The following TANC2 variants were observed in gnomAD, a reference collection of about 807,000 sequenced individuals.
TANC2 encodes the protein protein TANC2.
Under a neutral mutation model 210.5 loss-of-function variants are expected in TANC2, and 26 were observed. The observed-to-expected ratio is 0.12, with a 90% CI of 0.09 to 0.17. TANC2 has a LOEUF of 0.17. Ranked by LOEUF, TANC2 falls within the 10% of genes least tolerant of loss-of-function variation. The pLI is 1.00. For synonymous variants in TANC2, 931 were observed against 967.1 expected (o/e 0.96, Z 0.69); for missense variants, 2,129 against 2,608.9 (o/e 0.82, Z 4.01).
intron 1 of TANC2, among the ~76,000 whole-genome samples, chr17:62,975,681 A>G (rs2031963852): frequency 6.6e-6 from 1 of 151,940 alleles, no homozygotes; most frequent in Admixed American, 6.6e-5. Context: ...TGAGACCAGT[A>G]TATATTGGAA....
At chr17:63,060,638 TC>T (rs2035964375) in intron 2 of TANC2, among the ~76,000 whole-genome samples, 1 of 151,980 alleles carries the variant, frequency 6.6e-6, no homozygotes, top group Non-Finnish European at 1.5e-5. Context: ...AAACAAGTCC[TC>T]ATTTAATCTT....
At chr17:63,413,299 C>T (rs549022799) in intron 24 of TANC2, 2 of 375,850 alleles carry the variant, frequency 5.3e-6, no homozygotes, top group Admixed American at 4.4e-5. Flanking sequence ...GCAGGCTTTG[C>T]TGCCCTCGCG....
At chr17:63,344,611 C>G (rs1258799687) in intron 12 of TANC2, among the ~76,000 whole-genome samples, 1 of 152,052 alleles carries the variant, frequency 6.6e-6, no homozygotes, top group Admixed American at 6.5e-5. Flanking sequence ...AGGAATCTAC[C>G]CAGAAAAAAG....
intron 14 of TANC2, among the ~76,000 whole-genome samples, chr17:63,373,194 G>T (rs1251316975): frequency 6.6e-6 from 1 of 151,942 alleles, no homozygotes; most frequent in Non-Finnish European, 1.5e-5. Flanking sequence ...CTGTGCCTTG[G>T]CCTCATCATC....
At chr17:63,387,022 T>C (rs992922267) in intron 15 of TANC2, among the ~76,000 whole-genome samples, 1 of 152,056 alleles carries the variant, frequency 6.6e-6, no homozygotes, top group South Asian at 2.1e-4. Context: ...CTGGCTAATA[T>C]TTTAATTTTT....
At chr17:63,078,944 C>T (rs1309798000) in intron 3 of TANC2, among the ~76,000 whole-genome samples, 7 of 152,108 alleles carry the variant, frequency 4.6e-5, no homozygotes, top group Non-Finnish European at 1.0e-4. Flanking sequence ...ATCTTCTTGC[C>T]GATTTTCTTT....
At chr17:62,980,520 C>T (rs2032247334) in intron 1 of TANC2, among the ~76,000 whole-genome samples, 1 of 152,100 alleles carries the variant, frequency 6.6e-6, no homozygotes, top group South Asian at 2.1e-4. Flanking sequence ...AAATCTGAGA[C>T]ACTTCTGGCC....
chr17:63,000,716 C>T (rs75775107), intron 1 of TANC2, among the ~76,000 whole-genome samples: 4,502 of 152,166 alleles, frequency 0.03, 84 homozygotes, highest in South Asian at 0.037. Flanking sequence ...GAGTGAACAT[C>T]TTAAAATTTG....
At chr17:63,238,953 C>T (rs1459536597) in intron 8 of TANC2, among the ~76,000 whole-genome samples, 2 of 152,070 alleles carry the variant, frequency 1.3e-5, no homozygotes, top group African/African-American at 4.8e-5. Context: ...AATCACCTCC[C>T]ACCAGGTCCC....
chr17:63,082,050 A>G (rs1486818123), intron 3 of TANC2, among the ~76,000 whole-genome samples: 2 of 152,022 alleles, frequency 1.3e-5, no homozygotes, highest in Admixed American at 1.3e-4. Context: ...GGGCGCCTGT[A>G]GTCCCAGCTA....
chr17:63,001,706 G>A (rs994190458), intron 1 of TANC2, among the ~76,000 whole-genome samples: 4 of 151,772 alleles, frequency 2.6e-5, no homozygotes, highest in Admixed American at 6.6e-5. Context: ...CAGCATGCCC[G>A]GCTAACTTTT....
chr17:63,184,846 G>A (rs2040921094), intron 5 of TANC2, among the ~76,000 whole-genome samples: 1 of 151,754 alleles, frequency 6.6e-6, no homozygotes, highest in South Asian at 2.1e-4. Context: ...TAGTAGAGAT[G>A]GGATTTCGCC....
intron 14 of TANC2, among the ~76,000 whole-genome samples, chr17:63,367,395 A>AT (rs1010222255): frequency 2.0e-5 from 3 of 152,048 alleles, no homozygotes; most frequent in Admixed American, 1.3e-4. Flanking sequence ...ACATGATGAG[A>AT]TTTTTTTGCA....
At chr17:63,194,116 A>C in exon 6 of TANC2, 1 of 1,613,306 alleles carries the variant, frequency 6.2e-7, no homozygotes, top group Non-Finnish European at 8.5e-7. Flanking sequence ...CCAATACAGC[A>C]TGGAAGTACA....
intron 9 of TANC2, among the ~76,000 whole-genome samples, chr17:63,311,195 A>T (rs561636658): frequency 6.6e-6 from 1 of 152,354 alleles, no homozygotes; most frequent in Admixed American, 6.5e-5. Flanking sequence ...GTTAGCTGTG[A>T]TTATAACAGT....
chr17:63,365,930 G>A (rs1479087706), intron 14 of TANC2, among the ~76,000 whole-genome samples: 1 of 151,992 alleles, frequency 6.6e-6, no homozygotes, highest in East Asian at 1.9e-4. Flanking sequence ...AATTGTAGGT[G>A]AATACTCGTT....
chr17:63,281,512 C>G (rs1014596240), intron 9 of TANC2, among the ~76,000 whole-genome samples: 1 of 151,958 alleles, frequency 6.6e-6, no homozygotes, highest in Non-Finnish European at 1.5e-5. Flanking sequence ...CTTATTATAA[C>G]CGAAGAGAAT....
At chr17:63,413,871 T>C (rs1051857423) in intron 25 of TANC2, among the ~76,000 whole-genome samples, 1 of 152,198 alleles carries the variant, frequency 6.6e-6, no homozygotes, top group Non-Finnish European at 1.5e-5. Flanking sequence ...ACCTGGTCAC[T>C]CACCCATGGT....
intron 12 of TANC2, among the ~76,000 whole-genome samples, chr17:63,343,595 A>G (rs1177317030): frequency 1.3e-5 from 2 of 152,240 alleles, no homozygotes; most frequent in African/African-American, 4.8e-5. Flanking sequence ...AGCAGCTAGT[A>G]TGGTAACTGG....
Sources: allele counts gnomAD v4.1 joint callset (sites outside exome capture counted in the v4.1 genomes callset), GRCh38; gene constraint gnomAD v4.1.1; transcripts MANE v1.5; gene names NCBI Gene and HGNC (gene_info 2026-07-23, HGNC 2026-07-21).